The following CACNA1G variants were observed in gnomAD, a reference collection of about 807,000 sequenced individuals.
CACNA1G encodes the protein calcium voltage-gated channel subunit alpha1 G.
Under a neutral mutation model 219.4 loss-of-function variants are expected in CACNA1G, and 67 were observed. The ratio of observed to expected loss-of-function variants is 0.31; its 90% CI spans 0.25 to 0.37. The LOEUF is 0.37. Among genes scored for constraint, CACNA1G ranks in the 10% least tolerant of loss-of-function variants. The probability of loss-of-function intolerance (pLI) is 1.00; values close to 1 mark genes in which losing one functional copy is unlikely to be tolerated. For synonymous variants in CACNA1G, 1,296 were observed against 1,345.3 expected (o/e 0.96, Z 0.80); for missense variants, 2,380 against 3,231.4 (o/e 0.74, Z 6.39).
chr17:50,567,261 T>C (rs1277480604), intron 1 of CACNA1G, among the ~76,000 whole-genome samples: 1 of 152,026 alleles, frequency 6.6e-6, no homozygotes, highest in African/African-American at 2.4e-5. Context: ...CTCTTATTCT[T>C]GTGAGGGGGT....
At chr17:50,561,828 G>T (rs376729679) in intron 1 of CACNA1G, 127 bp downstream of exon 1, 6 of 778,076 alleles carry the variant, frequency 7.7e-6, no homozygotes, top group African/African-American at 1.8e-5. Context: ...AGGCGGATGG[G>T]GGGGGGGCTG....
In CACNA1G at chr17:50,575,445, G is replaced by A. The variant is rs198549; in HGVS notation, c.1141-98G>A. 76,633 of 1,196,760 alleles carry A rather than the reference G, an allele frequency of 0.064. 2,866 individuals carry two copies. The highest frequency in any genetic ancestry group is 0.13 in the African/African-American group (8,644 of 64,970). 74.1% of individuals were successfully genotyped at this position (1,196,760 alleles called of 1,614,324 possible). On this transcript the variant is annotated intron_variant, in intron 7 of 37. Coordinates refer to ENST00000359106, the MANE Select transcript of CACNA1G (RefSeq NM_018896.5). ...GATAATGCTTGGAAAATAACTGAGCGTGGCGCTTGGCTCATAGGAATGCCT... is the reference window on the plus strand; with the variant it reads ...GATAATGCTTGGAAAATAACTGAGCATGGCGCTTGGCTCATAGGAATGCCT...
intron 4 of CACNA1G, among the ~76,000 whole-genome samples, chr17:50,570,867 G>A (rs1374933484): frequency 6.6e-6 from 1 of 152,204 alleles, no homozygotes; most frequent in East Asian, 1.9e-4. Flanking sequence ...GGGCTGGCAG[G>A]GGCGAGGCTG....
At position 50,603,497 on chromosome 17, in the gene CACNA1G, C is replaced by T. The variant is rs531441724; in HGVS notation, c.4169+298C>T. Among the ~76,000 whole-genome samples the T allele has an allele frequency of 2.0e-5, 3 of 152,274 alleles. No homozygotes were observed. Among genetic ancestry groups the T allele is most frequent in the Non-Finnish European group, 4.4e-5 (3 of 68,016 alleles). On this transcript the variant is annotated intron_variant, in intron 21 of 37. Coordinates refer to ENST00000359106, the MANE Select transcript of CACNA1G (RefSeq NM_018896.5). This position sits in a 1 kb window ranked among gnomAD's most constrained non-coding sequence, Gnocchi z 6.4. Reference sequence around the variant, plus strand: ...GTGCAGCACACAGCACAAGGGGCCACGAGCAGGACTCTCACAGTCTTCAGC... The same window carrying T: ...GTGCAGCACACAGCACAAGGGGCCATGAGCAGGACTCTCACAGTCTTCAGC...
At chr17:50,583,458 G>A (rs577364300) in intron 9 of CACNA1G, among the ~76,000 whole-genome samples, 2 of 152,340 alleles carry the variant, frequency 1.3e-5, no homozygotes, top group Non-Finnish European at 2.9e-5. Context: ...TGGGGGCTGA[G>A]CCAGAAACAC....
In CACNA1G at chr17:50,603,216, C is replaced by T; in HGVS notation, c.4169+17C>T. 1 of 1,595,590 alleles carries T rather than the reference C, an allele frequency of 6.3e-7. No individual in the cohort carries two copies. The highest frequency in any genetic ancestry group is 8.5e-7 in the Non-Finnish European group (1 of 1,177,228). On this transcript the variant is annotated intron_variant, in intron 21 of 37. Coordinates refer to ENST00000359106, the MANE Select transcript of CACNA1G (RefSeq NM_018896.5). This position sits in a 1 kb window ranked among gnomAD's most constrained non-coding sequence, Gnocchi z 6.4. The stretch of plus-strand genomic sequence containing the variant: ...CCCGCTCAGGTGACTCCCTCCCCAG[C>T]ACTGGAACACCTCCAAGAGGTGGCC...
intron 16 of CACNA1G, 121 bp from the exon 17 acceptor site, chr17:50,599,307 C>A: frequency 1.1e-6 from 1 of 919,312 alleles, no homozygotes; most frequent in Non-Finnish European, 1.6e-6. Flanking sequence ...GAGTCCAGAG[C>A]TCCTGCTCAC....
At chr17:50,585,060 C>T (rs1290823811) in intron 9 of CACNA1G, among the ~76,000 whole-genome samples, 1 of 152,152 alleles carries the variant, frequency 6.6e-6, no homozygotes, top group Admixed American at 6.5e-5. Context: ...GTCAGAAGGG[C>T]AGCCTTTATG....
Position 50,624,378 on chromosome 17 carries a change from A to G in CACNA1G, c.6248A>G (p.His2083Arg). ...KAQSGSVLSV[H>R]SQPADTSYIL... ...TCCACAGGCTCCGTCTTGTCCGTTCACTCCCAGCCAGCAGATACCAGCTAC... is the reference window on the plus strand; with the variant it reads ...TCCACAGGCTCCGTCTTGTCCGTTCGCTCCCAGCCAGCAGATACCAGCTAC... Residue 2083 changes from histidine to arginine, a missense_variant, in exon 37 of 38, where the codon CAC (histidine) becomes CGC (arginine). This residue lies in a region of CACNA1G where 672 missense variants were observed against 670.5 expected (regional missense o/e 1.00). Coordinates refer to ENST00000359106, the MANE Select transcript of CACNA1G (RefSeq NM_018896.5). The G allele has an allele frequency of 6.5e-7, 1 of 1,541,836 alleles. No homozygotes were observed. Among genetic ancestry groups the G allele is most frequent in the Non-Finnish European group, 8.7e-7 (1 of 1,151,060 alleles).
At chr17:50,569,628 C>A in intron 3 of CACNA1G, 78 bp from the exon 4 acceptor site, 2 of 985,702 alleles carry the variant, frequency 2.0e-6, no homozygotes, top group Non-Finnish European at 3.1e-6. Flanking sequence ...GCCCCTAAAG[C>A]AGGATTCCTC....
rs9893223 is a variant in CACNA1G at position 50,626,625 on chromosome 17, G to T, written c.7008G>T (p.Pro2336=). The T allele has an allele frequency of 3.7e-6, 6 of 1,612,022 alleles. No homozygotes were observed. Among genetic ancestry groups the T allele is most frequent in the Non-Finnish European group, 5.1e-6 (6 of 1,179,662 alleles). Residue 2336 remains proline (P), a synonymous_variant, in exon 38 of 38, where the codon CCG becomes CCT. Coordinates refer to ENST00000359106, the MANE Select transcript of CACNA1G (RefSeq NM_018896.5). The surrounding 1 kb of genome is among the most constrained non-coding windows in gnomAD (Gnocchi z 4.3). ...SPGICLRRRA[P]SSDSKDPLAS... ...GTATCTGCCTCCGGAGGAGGGCTCCGTCCAGCGACTCCAAGGATCCCTTGG... is the reference window on the plus strand; with the variant it reads ...GTATCTGCCTCCGGAGGAGGGCTCCTTCCAGCGACTCCAAGGATCCCTTGG...
rs1299165433 is a variant in CACNA1G, at chr17:50,607,995, C to A, written c.4681C>A (p.Arg1561=). 1 of 1,611,562 alleles carries A rather than the reference C, an allele frequency of 6.2e-7. No individual in the cohort carries two copies. Among genetic ancestry groups the A allele is most frequent in the East Asian group, 2.2e-5 (1 of 44,818 alleles). The change falls in exon 25 of 38, where the codon CGA becomes AGA. Residue 1561 remains arginine (R), a synonymous_variant. Coordinates refer to ENST00000359106, the MANE Select transcript of CACNA1G (RefSeq NM_018896.5). ...EARRREEKRL[R]RLEKKRRNLM... ...CCGGCGGCGGGAGGAGAAGCGCCTA[C>A]GAAGACTGGAGAAAAAGAGAAGGAG...
At chr17:50,580,952 G>T (rs1598234246) in intron 9 of CACNA1G, among the ~76,000 whole-genome samples, 2 of 152,172 alleles carry the variant, frequency 1.3e-5, no homozygotes, top group Non-Finnish European at 2.9e-5. Flanking sequence ...TGCCAGGGAA[G>T]GCAGCAAGGA....
chr17:50,599,398 T>C, intron 16 of CACNA1G, 30 bp from the exon 17 acceptor site: 1 of 1,505,668 alleles, frequency 6.6e-7, no homozygotes, highest in Non-Finnish European at 8.9e-7. Flanking sequence ...GGGCCCTGCC[T>C]GAGACCACTC....
In CACNA1G at chr17:50,569,658, ACT is replaced by A. The variant is rs1170717782; in HGVS notation, c.489-47_489-46del. The A allele has an allele frequency of 3.0e-6, 4 of 1,347,794 alleles. No homozygotes were observed. The East Asian group carries it at 1.0e-4, about 34-fold the overall frequency. 83.5% of individuals were successfully genotyped at this position (1,347,794 alleles called of 1,614,324 possible). A position where few individuals can be genotyped will look rare whatever the true frequency, so the allele number is the denominator to read the frequency against. On this transcript the variant is annotated intron_variant, in intron 3 of 37. Coordinates refer to ENST00000359106, the MANE Select transcript of CACNA1G (RefSeq NM_018896.5). The stretch of plus-strand genomic sequence containing the variant: ...TTCCTCATTGACCTCTTTTGACCCC[ACT>A]GTGGCCTCAGACTCAAAGGGCCTCC...
Position 50,626,746 on chromosome 17 carries a change from C to T in CACNA1G, c.7129C>T (p.Pro2377Ser). ...GLSSDPADLD[P>S] is the part of the protein sequence containing the mutation. ...ATCCTCTGACCCAGCAGACCTGGAC[C>T]CCTGAGTCCTGCCCCACTTTCCCAC... The change falls in exon 38 of 38, where the codon CCC becomes TCC. Residue 2377 changes from proline (P) to serine (S), a missense_variant. Coordinates refer to ENST00000359106, the MANE Select transcript of CACNA1G (RefSeq NM_018896.5). This position sits in a 1 kb window ranked among gnomAD's most constrained non-coding sequence, Gnocchi z 4.3. The T allele has an allele frequency of 1.2e-6, 2 of 1,613,144 alleles. No homozygotes were observed. Among genetic ancestry groups the T allele is most frequent in the Non-Finnish European group, 1.7e-6 (2 of 1,179,892 alleles).
chr17:50,608,295 G>A (rs535365326), intron 25 of CACNA1G, among the ~76,000 whole-genome samples: 32 of 152,230 alleles, frequency 2.1e-4, no homozygotes, highest in African/African-American at 7.7e-4. Context: ...CCAAATGGAG[G>A]TTGACACCCA....
Position 50,576,330 on chromosome 17 carries a change from A to G in CACNA1G, c.1924+4A>G. ...CTGCTGGAGACACAGAGTACAGGTG[A>G]GAACTCTGGGTGGAGGCATGTGGGT... On this transcript the variant is annotated splice_donor_region_variant and intron_variant, in intron 8 of 37. Coordinates refer to ENST00000359106, the MANE Select transcript of CACNA1G (RefSeq NM_018896.5). The G allele has an allele frequency of 6.4e-7, 1 of 1,565,366 alleles. No individual in the cohort carries two copies. Among genetic ancestry groups the G allele is most frequent in the Non-Finnish European group, 8.7e-7 (1 of 1,155,064 alleles).
In CACNA1G at chr17:50,617,369, T is replaced by A; in HGVS notation, c.5022-69T>A. Reference sequence around the variant, plus strand: ...CCTCCTTTCAAGCCCTGTCTTTCTGTGCCACGACTGCCCCCTCCTTCAGGA... The same window carrying A: ...CCTCCTTTCAAGCCCTGTCTTTCTGAGCCACGACTGCCCCCTCCTTCAGGA... On this transcript the variant is annotated intron_variant, in intron 28 of 37. Transcript: ENST00000359106. This position sits in a 1 kb window ranked among gnomAD's most constrained non-coding sequence, Gnocchi z 5.8. The A allele has an allele frequency of 6.6e-7, 1 of 1,526,550 alleles. No homozygotes were observed. Among genetic ancestry groups the A allele is most frequent in the Non-Finnish European group, 8.9e-7 (1 of 1,124,280 alleles). 94.6% of individuals were successfully genotyped at this position (1,526,550 alleles called of 1,614,324 possible).
Sources: allele counts gnomAD v4.1 joint callset (sites outside exome capture counted in the v4.1 genomes callset), GRCh38; gene constraint gnomAD v4.1.1; regional missense constraint gnomAD v4.1.1; non-coding constraint Gnocchi (gnomAD v3.1); transcripts MANE v1.5; gene names NCBI Gene and HGNC (gene_info 2026-07-23, HGNC 2026-07-21).